The following TMEM217 variants were observed in gnomAD, a reference collection of about 807,000 sequenced individuals.
TMEM217 encodes the protein chromosome 6 open reading frame 128.
For synonymous variants in TMEM217, 76 were observed against 88.3 expected (o/e 0.86, Z 0.78); for missense variants, 204 against 248.8 (o/e 0.82, Z 1.21).
intron 1 of TMEM217, among the ~76,000 whole-genome samples, chr6:37,226,452 C>T (rs1375546193): frequency 6.6e-6 from 1 of 151,412 alleles, no homozygotes; most frequent in Non-Finnish European, 1.5e-5. Context: ...GCCACGGCGC[C>T]CAGCTAATTT....
chr6:37,212,433 C>T lies in TMEM217; in HGVS notation c.*564G>A, dbSNP rs1489327487. 4 of 422,486 alleles carry T rather than the reference C, an allele frequency of 9.5e-6. No homozygotes were observed. The Admixed American group carries it at 1.0e-4, about 11-fold the overall frequency. The allele number at this position is 422,486 out of a possible 1,614,324, so 26.2% of individuals were successfully genotyped here. ...GCATGGTTCAGTTTAACTTCCGGTA[C>T]AACATTCCCAGACGGACAGGTAGTC... On this transcript the variant is annotated 3_prime_UTR_variant, in exon 4 of 4. Coordinates refer to the TMEM217 transcript ENST00000336655.
In TMEM217 at chr6:37,255,597, T is replaced by C. The variant is rs146736350; in HGVS notation, c.-12+1971A>G. 1.9e-4 allele frequency among the ~76,000 whole-genome samples: 29 copies of C among 151,938 alleles called. 1 individual carries two copies. In the East Asian group the frequency reaches 5.0e-3, roughly 26 times the overall value. On this transcript the variant is annotated intron_variant, in intron 1 of 1. Coordinates refer to ENST00000357219, the Ensembl canonical transcript of TMEM217. ...TACTCAGGAGGCTGATGTGGGAGGATTGCTTGAGCCCAGGAGATGGAGGTT... is the reference window on the plus strand; with the variant it reads ...TACTCAGGAGGCTGATGTGGGAGGACTGCTTGAGCCCAGGAGATGGAGGTT...
In TMEM217 at chr6:37,220,769, TA is replaced by T. The variant is rs1346298178; in HGVS notation, c.-11-1729del. Among the ~76,000 whole-genome samples, 3 of 152,056 alleles carry T rather than the reference TA, an allele frequency of 2.0e-5. No individual in the cohort carries two copies. The East Asian group carries it at 5.8e-4, about 29-fold the overall frequency. ...ACAATGACAAGTACATAGTGAAAAATAACCAAGCACATAAGGAACAAGGCAC... is the reference window on the plus strand; with the variant it reads ...ACAATGACAAGTACATAGTGAAAAATACCAAGCACATAAGGAACAAGGCAC... On this transcript the variant is annotated intron_variant, in intron 1 of 1. Coordinates refer to ENST00000357219, the Ensembl canonical transcript of TMEM217.
intron 1 of TMEM217, among the ~76,000 whole-genome samples, chr6:37,243,881 TG>T (rs1278757539): frequency 6.6e-6 from 1 of 151,952 alleles, no homozygotes; most frequent in African/African-American, 2.4e-5. Context: ...TGCCTCTGGA[TG>T]GGGGGGTGCA....
chr6:37,229,345 T>TTTTTG (rs1764050804), intron 1 of TMEM217, among the ~76,000 whole-genome samples: 1 of 128,698 alleles, frequency 7.8e-6, no homozygotes, highest in African/African-American at 3.1e-5. Flanking sequence ...GTTTTTTTTT[T>TTTTTG]TTTTTTTTTT....
intron 1 of TMEM217, among the ~76,000 whole-genome samples, chr6:37,241,502 C>A (rs111391593): frequency 7.5e-4 from 114 of 152,224 alleles, no homozygotes; most frequent in African/African-American, 2.6e-3. Context: ...TCCTACAACT[C>A]ATGTGCGGCT....
At chr6:37,217,572 A>G, downstream of TMEM217, 2 of 908,790 alleles carry the variant, frequency 2.2e-6, no homozygotes, top group South Asian at 1.0e-4. Context: ...ATCTTTGATT[A>G]AGGAAGTGCC....
chr6:37,232,553 G>A (rs1234594263), intron 1 of TMEM217, among the ~76,000 whole-genome samples: 1 of 141,202 alleles, frequency 7.1e-6, no homozygotes, highest in African/African-American at 2.6e-5. Flanking sequence ...AGTTTAACTG[G>A]CCCTAAACAC....
chr6:37,215,642 T>G (rs1159223317), downstream of TMEM217, among the ~76,000 whole-genome samples: 3 of 142,618 alleles, frequency 2.1e-5, no homozygotes, highest in African/African-American at 7.9e-5. Flanking sequence ...GTGATAAATG[T>G]GATAGAGGAA....
intron 1 of TMEM217, among the ~76,000 whole-genome samples, chr6:37,257,057 T>C (rs1460298896): frequency 3.3e-5 from 5 of 152,234 alleles, no homozygotes; most frequent in Non-Finnish European, 7.3e-5. Context: ...ATTCACACGA[T>C]GGAGCAATAC....
chr6:37,257,144 G>C (rs1251085116), intron 1 of TMEM217, among the ~76,000 whole-genome samples: 1 of 152,202 alleles, frequency 6.6e-6, no homozygotes, highest in African/African-American at 2.4e-5. Flanking sequence ...TACACTGTTA[G>C]CATAGTCAGA....
chr6:37,248,383 A>G (rs983120037), intron 1 of TMEM217, among the ~76,000 whole-genome samples: 1 of 152,220 alleles, frequency 6.6e-6, no homozygotes, highest in Non-Finnish European at 1.5e-5. Context: ...GCTGCATTGA[A>G]TTGAGGTCAA....
Position 37,239,571 on chromosome 6 carries a change from T to A in TMEM217, c.-12+17997A>T, listed in dbSNP as rs150517671. ...TAGTGTAATTAATGATATTTGTATT[T>A]CAGTGGTACCTAAGATAATGATGCA... On this transcript the variant is annotated intron_variant, in intron 1 of 1. Transcript: ENST00000357219. Among the ~76,000 whole-genome samples, 158 of 152,288 alleles carry A rather than the reference T, an allele frequency of 1.0e-3. 1 individual carries two copies. Among genetic ancestry groups the A allele is most frequent in the Middle Eastern group, 3.4e-3 (1 of 294 alleles).
At chr6:37,221,190 CTTT>C (rs1159972171) in intron 1 of TMEM217, among the ~76,000 whole-genome samples, 1 of 143,476 alleles carries the variant, frequency 7.0e-6, no homozygotes. Flanking sequence ...TAAGTGGAGT[CTTT>C]TTTTTTTTTT....
downstream of TMEM217, among the ~76,000 whole-genome samples, chr6:37,216,165 A>G (rs1383755226): frequency 1.3e-5 from 2 of 151,900 alleles, no homozygotes; most frequent in Non-Finnish European, 2.9e-5. Flanking sequence ...TGCAACCTCC[A>G]TCTCCCAAGT....
At chr6:37,250,396 C>T (rs1262928538) in intron 1 of TMEM217, among the ~76,000 whole-genome samples, 1 of 152,122 alleles carries the variant, frequency 6.6e-6, no homozygotes, top group Non-Finnish European at 1.5e-5. Context: ...TAGTTTTATA[C>T]ATTCTCTTGT....
rs1001202241 is a variant in TMEM217, at chr6:37,235,568, A to G, written c.-11-16527T>C. Among the ~76,000 whole-genome samples, 115 of 152,090 alleles carry G rather than the reference A, an allele frequency of 7.6e-4. 1 individual carries two copies. Among genetic ancestry groups the G allele is most frequent in the African/African-American group, 2.5e-3 (103 of 41,498 alleles). ...TTTTTAGTAGAGATGGGGTTTCACCATGTTAGCCAGGATGGTCTCGATCTC... is the reference window on the plus strand; with the variant it reads ...TTTTTAGTAGAGATGGGGTTTCACCGTGTTAGCCAGGATGGTCTCGATCTC... On this transcript the variant is annotated intron_variant, in intron 1 of 1. Transcript: ENST00000357219.
chr6:37,226,323 C>T (rs1449818539), intron 1 of TMEM217, among the ~76,000 whole-genome samples: 8 of 107,176 alleles, frequency 7.5e-5, no homozygotes, highest in Admixed American at 1.4e-4. Context: ...GACAGAGTCT[C>T]GCTCTTTCGC....
exon 2 of TMEM217, chr6:37,218,185 T>TG (rs397693625): frequency 0.021 from 23,439 of 1,113,878 alleles, 133 homozygotes; most frequent in African/African-American, 0.061. Context: ...TTTTTTTTTT[T>TG]GGGGGACAGA....
Sources: allele counts gnomAD v4.1 joint callset (sites outside exome capture counted in the v4.1 genomes callset), GRCh38; gene constraint gnomAD v4.1.1; transcripts MANE v1.5; gene names NCBI Gene and HGNC (gene_info 2026-07-23, HGNC 2026-07-21).